HCRTR2: variants seen among roughly 807,000 people sequenced by gnomAD.
The protein encoded by HCRTR2 is orexin receptor type 2.
A neutral mutation model predicts 49.0 loss-of-function variants in HCRTR2; 22 were observed. The observed-to-expected ratio is 0.45, with a 90% CI of 0.32 to 0.64. The LOEUF (loss-of-function observed/expected upper bound fraction) is 0.64. HCRTR2 is among the 30% of genes least tolerant of loss of function. The probability of loss-of-function intolerance (pLI) is 0.04; values close to 1 mark genes in which losing one functional copy is unlikely to be tolerated. For missense variants in HCRTR2, 491 were observed against 559.4 expected (o/e 0.88, Z 1.23); for synonymous variants, 236 against 205.3 (o/e 1.15, Z -1.28).
chr6:55,251,914 T>A (rs749162232), intron 2 of HCRTR2, among the ~76,000 whole-genome samples: 2 of 152,086 alleles, frequency 1.3e-5, no homozygotes, highest in South Asian at 2.1e-4. Flanking sequence ...GATTCATTTC[T>A]CAAATGACTT....
intron 1 of HCRTR2, among the ~76,000 whole-genome samples, chr6:55,134,336 G>C (rs1764404676): frequency 6.6e-6 from 1 of 151,484 alleles, no homozygotes. Flanking sequence ...TATTTTTCCA[G>C]GTTTATTGAG....
chr6:55,119,949 A>T (rs1764172875), intron 1 of HCRTR2, among the ~76,000 whole-genome samples: 1 of 151,974 alleles, frequency 6.6e-6, no homozygotes, highest in South Asian at 2.1e-4. Context: ...ATTTTTGTAT[A>T]AGGTATAAGG....
intron 1 of HCRTR2, among the ~76,000 whole-genome samples, chr6:55,235,207 A>G (rs1266366989): frequency 6.6e-6 from 1 of 152,004 alleles, no homozygotes; most frequent in African/African-American, 2.4e-5. Context: ...ATAGGAAGAG[A>G]GCTTCTGGGG....
At chr6:55,190,024 G>T (rs1765289657) in intron 1 of HCRTR2, among the ~76,000 whole-genome samples, 1 of 152,018 alleles carries the variant, frequency 6.6e-6, no homozygotes, top group Admixed American at 6.6e-5. Flanking sequence ...CTACTCTCAG[G>T]TATTTGTTTT....
At chr6:55,214,419 A>G (rs1765752324) in intron 1 of HCRTR2, among the ~76,000 whole-genome samples, 1 of 152,174 alleles carries the variant, frequency 6.6e-6, no homozygotes, top group African/African-American at 2.4e-5. Flanking sequence ...GCAGCCTCAA[A>G]CTCCAAGGGT....
At chr6:55,233,568 A>G (rs559726752) in intron 1 of HCRTR2, among the ~76,000 whole-genome samples, 1 of 152,270 alleles carries the variant, frequency 6.6e-6, no homozygotes, top group Non-Finnish European at 1.5e-5. Flanking sequence ...ATGGTGGTGC[A>G]CACCTATAGT....
intron 1 of HCRTR2, among the ~76,000 whole-genome samples, chr6:55,228,657 T>G (rs1766056583): frequency 6.6e-6 from 1 of 152,190 alleles, no homozygotes; most frequent in Non-Finnish European, 1.5e-5. Flanking sequence ...TCACATTCCA[T>G]TTATCTGCAG....
chr6:55,282,901 A>T (rs547764952), downstream of HCRTR2, among the ~76,000 whole-genome samples: 18 of 150,784 alleles, frequency 1.2e-4, no homozygotes, highest in East Asian at 1.9e-4. Flanking sequence ...GTTTTTTTAA[A>T]AAAAATCACA....
At chr6:55,197,608 T>C (rs1262925812) in intron 1 of HCRTR2, among the ~76,000 whole-genome samples, 1 of 152,104 alleles carries the variant, frequency 6.6e-6, no homozygotes, top group African/African-American at 2.4e-5. Context: ...ACCATAACCC[T>C]GAAACTAAGC....
At chr6:55,220,957 A>G (rs1024132873) in intron 1 of HCRTR2, among the ~76,000 whole-genome samples, 2 of 152,200 alleles carry the variant, frequency 1.3e-5, no homozygotes, top group Non-Finnish European at 2.9e-5. Flanking sequence ...AATATTATCA[A>G]AAATGACTAA....
intron 1 of HCRTR2, among the ~76,000 whole-genome samples, chr6:55,221,108 G>A (rs1036820949): frequency 6.6e-6 from 1 of 152,102 alleles, no homozygotes; most frequent in Non-Finnish European, 1.5e-5. Flanking sequence ...ACTCGATATT[G>A]TTAAAATGTG....
chr6:55,145,165 C>T (rs1248392002), intron 1 of HCRTR2, among the ~76,000 whole-genome samples: 1 of 152,122 alleles, frequency 6.6e-6, no homozygotes, highest in Non-Finnish European at 1.5e-5. Context: ...TTTACCTTGT[C>T]TTCATATTCT....
intron 4 of HCRTR2, among the ~76,000 whole-genome samples, chr6:55,269,107 G>T (rs201449991): frequency 7.3e-6 from 1 of 137,682 alleles, no homozygotes; most frequent in African/African-American, 2.8e-5. Context: ...AAAAAAAAAA[G>T]AAATAAAGAA....
chr6:55,148,675 A>C (rs1764625874), intron 1 of HCRTR2, among the ~76,000 whole-genome samples: 1 of 152,122 alleles, frequency 6.6e-6, no homozygotes, highest in African/African-American at 2.4e-5. Flanking sequence ...ATGGCTAGAA[A>C]ATACTGTATC....
chr6:55,163,294 C>G (rs80020865), intron 1 of HCRTR2, among the ~76,000 whole-genome samples: 27,774 of 151,516 alleles, frequency 0.18, 2,694 homozygotes, highest in East Asian at 0.28. Flanking sequence ...TCTTATGGAA[C>G]TAAAAAAGAG....
At chr6:55,121,849 T>C (rs1764204601) in intron 1 of HCRTR2, among the ~76,000 whole-genome samples, 1 of 152,200 alleles carries the variant, frequency 6.6e-6, no homozygotes, top group Non-Finnish European at 1.5e-5. Flanking sequence ...GATGTGCTGC[T>C]GGATTTGGTT....
chr6:55,124,803 T>C (rs1376619735), intron 1 of HCRTR2, among the ~76,000 whole-genome samples: 1 of 152,210 alleles, frequency 6.6e-6, no homozygotes, highest in Non-Finnish European at 1.5e-5. Context: ...CTGTATTTGA[T>C]GCATATATAT....
At chr6:55,209,351 A>G (rs1480557129) in intron 1 of HCRTR2, among the ~76,000 whole-genome samples, 1 of 152,218 alleles carries the variant, frequency 6.6e-6, no homozygotes, top group Non-Finnish European at 1.5e-5. Flanking sequence ...CAGGAAGCCC[A>G]CTTAGACAAT....
chr6:55,277,496 A>G lies in HCRTR2; in HGVS notation c.879A>G (p.Ile293Met), dbSNP rs1304834160. Residue 293 changes from isoleucine (I) to methionine (M), a missense_variant, in exon 5 of 7, where the codon ATA (isoleucine) becomes ATG (methionine). Coordinates refer to ENST00000370862, the MANE Select transcript of HCRTR2 (RefSeq NM_001384272.1). ...GGATGAGCGCTGTGGCGGCTGAAAT[A>G]AAGCAGATCCGAGCCAGAAGGAAAA... ...KSRMSAVAAE[I>M]KQIRARRKTA... The G allele has an allele frequency of 6.2e-7, 1 of 1,613,982 alleles. No individual in the cohort carries two copies. The highest frequency in any genetic ancestry group is 1.3e-5 in the African/African-American group (1 of 74,940).
Sources: allele counts gnomAD v4.1 joint callset (sites outside exome capture counted in the v4.1 genomes callset), GRCh38; gene constraint gnomAD v4.1.1; transcripts MANE v1.5; gene names NCBI Gene and HGNC (gene_info 2026-07-23, HGNC 2026-07-21).